The following B3GALT1 variants were observed in gnomAD, a reference collection of about 807,000 sequenced individuals.
The protein encoded by B3GALT1 is beta-1,3-galactosyltransferase 1, also known as UDP-Gal:betaGlcNAc beta 1,3-galactosyltransferase, polypeptide 1.
B3GALT1 carries 10 observed loss-of-function variants against 23.2 expected under a neutral mutation model. The ratio of observed to expected loss-of-function variants is 0.43; its 90% CI spans 0.27 to 0.73. B3GALT1 has a LOEUF of 0.73. B3GALT1 is among the 30% of genes least tolerant of loss of function. The probability of loss-of-function intolerance (pLI) is 0.21; values close to 1 mark genes in which losing one functional copy is unlikely to be tolerated. For synonymous variants in B3GALT1, 156 were observed against 141.5 expected (o/e 1.10, Z -0.73); for missense variants, 299 against 405.4 (o/e 0.74, Z 2.25).
intron 2 of B3GALT1, among the ~76,000 whole-genome samples, chr2:167,595,362 A>G (rs555672631): frequency 7.3e-4 from 111 of 152,282 alleles, no homozygotes; most frequent in African/African-American, 2.6e-3. Flanking sequence ...TCATTAATCC[A>G]TTTTGGTGTC....
intron 1 of B3GALT1, among the ~76,000 whole-genome samples, chr2:167,433,461 C>A (rs1279754870): frequency 1.3e-5 from 2 of 152,104 alleles, no homozygotes; most frequent in African/African-American, 4.8e-5. Flanking sequence ...TCTGCTTCCT[C>A]TTTTTGACAA....
At chr2:167,517,963 C>A (rs963174548) in intron 2 of B3GALT1, among the ~76,000 whole-genome samples, 1 of 152,042 alleles carries the variant, frequency 6.6e-6, no homozygotes, top group Non-Finnish European at 1.5e-5. Context: ...AGTGTAATCT[C>A]ATTTGATCCC....
intron 1 of B3GALT1, among the ~76,000 whole-genome samples, chr2:167,411,397 AAAC>A (rs1318845080): frequency 6.2e-5 from 8 of 129,462 alleles, no homozygotes; most frequent in African/African-American, 2.2e-4. Context: ...AAAAAAAAAA[AAAC>A]CACACAAATA....
chr2:167,702,638 A>G (rs181514652), intron 3 of B3GALT1, among the ~76,000 whole-genome samples: 8 of 152,346 alleles, frequency 5.3e-5, no homozygotes, highest in Admixed American at 4.6e-4. Flanking sequence ...AGAACCCTGG[A>G]AAGTGAATAA....
In B3GALT1 at chr2:167,512,566, A is replaced by G. The variant is rs1214705326; in HGVS notation, c.-410+22289A>G. Among the ~76,000 whole-genome samples, 192 of 92,014 alleles carry G rather than the reference A, an allele frequency of 2.1e-3. 8 individuals are homozygous for G. The highest frequency in any genetic ancestry group is 6.3e-3 in the Middle Eastern group (1 of 160). The allele number at this position is 92,014 out of a possible 152,430, so 60.4% of individuals were successfully genotyped here. On this transcript the variant is annotated intron_variant, in intron 2 of 4. Transcript: ENST00000392690. ...TATATGTATATATATGTATATATAT[A>G]TGTATATATATATGTATATATATAT...
At chr2:167,839,146 C>T (rs1179187288) in intron 4 of B3GALT1, among the ~76,000 whole-genome samples, 1 of 152,182 alleles carries the variant, frequency 6.6e-6, no homozygotes, top group Non-Finnish European at 1.5e-5. Flanking sequence ...CTCACCACTC[C>T]TATTCAACAT....
At chr2:167,755,344 T>G (rs539240509) in intron 3 of B3GALT1, among the ~76,000 whole-genome samples, 1 of 151,958 alleles carries the variant, frequency 6.6e-6, no homozygotes, top group South Asian at 2.1e-4. Context: ...GGCAGAATGT[T>G]GACTAGAACA....
At chr2:167,635,293 A>T (rs570804852) in intron 2 of B3GALT1, among the ~76,000 whole-genome samples, 1 of 152,254 alleles carries the variant, frequency 6.6e-6, no homozygotes, top group South Asian at 2.1e-4. Flanking sequence ...CCGGCACAAG[A>T]CAACGATGCC....
At chr2:167,450,148 T>A (rs1699064729) in intron 1 of B3GALT1, among the ~76,000 whole-genome samples, 2 of 152,188 alleles carry the variant, frequency 1.3e-5, no homozygotes, top group Admixed American at 1.3e-4. Flanking sequence ...TTTTGTGGAA[T>A]AGTGTCAATA....
chr2:167,602,029 T>C (rs1218828427), intron 2 of B3GALT1, among the ~76,000 whole-genome samples: 1 of 152,222 alleles, frequency 6.6e-6, no homozygotes, highest in Non-Finnish European at 1.5e-5. Context: ...GAAGTTTCAA[T>C]CATGGCTGTA....
intron 2 of B3GALT1, among the ~76,000 whole-genome samples, chr2:167,615,586 A>G (rs1385939439): frequency 6.6e-6 from 1 of 152,098 alleles, no homozygotes; most frequent in Non-Finnish European, 1.5e-5. Context: ...GAATTTGTCA[A>G]TTCTATTTAT....
intron 3 of B3GALT1, among the ~76,000 whole-genome samples, chr2:167,753,662 C>T (rs1181900489): frequency 6.6e-6 from 1 of 152,180 alleles, no homozygotes. Flanking sequence ...TGATTCCAGA[C>T]AACCCACTTT....
chr2:167,544,343 G>A (rs1011627295), intron 2 of B3GALT1, among the ~76,000 whole-genome samples: 4 of 152,110 alleles, frequency 2.6e-5, no homozygotes, highest in African/African-American at 2.4e-5. Flanking sequence ...TGCCCAGGCC[G>A]GAGTGCAGTG....
chr2:167,719,799 G>A (rs933340132), intron 3 of B3GALT1, among the ~76,000 whole-genome samples: 1 of 152,124 alleles, frequency 6.6e-6, no homozygotes, highest in African/African-American at 2.4e-5. Context: ...AGGTATGGTG[G>A]CACGTGCCTG....
At chr2:167,758,921 A>G (rs919968588) in intron 3 of B3GALT1, among the ~76,000 whole-genome samples, 1 of 152,120 alleles carries the variant, frequency 6.6e-6, no homozygotes, top group Non-Finnish European at 1.5e-5. Flanking sequence ...CTGTATGGAA[A>G]GAAGCTTTCG....
chr2:167,588,267 T>C (rs1270220604), intron 2 of B3GALT1, among the ~76,000 whole-genome samples: 1 of 152,178 alleles, frequency 6.6e-6, no homozygotes, highest in Non-Finnish European at 1.5e-5. Flanking sequence ...TGATTACCAC[T>C]GATAACATTG....
chr2:167,868,856 G>C lies in B3GALT1; in HGVS notation c.-184G>C, dbSNP rs777239799. 1 of 619,736 alleles carries C rather than the reference G, an allele frequency of 1.6e-6. No individual in the cohort carries two copies. The highest frequency in any genetic ancestry group is 2.7e-6 in the Non-Finnish European group (1 of 373,320). The allele number at this position is 619,736 out of a possible 1,614,324, so 38.4% of individuals were successfully genotyped here. ...AGTCATGGAACCCTCCATCAGATTT[G>C]GAAGAAAGTAGAATGAGCGCAGAGG... On this transcript the variant is annotated 5_prime_UTR_variant, in exon 5 of 5. Coordinates refer to ENST00000392690, the MANE Select transcript of B3GALT1 (RefSeq NM_020981.4).
intron 2 of B3GALT1, among the ~76,000 whole-genome samples, chr2:167,571,881 T>A (rs1007071995): frequency 1.3e-5 from 2 of 151,770 alleles, no homozygotes; most frequent in African/African-American, 2.4e-5. Flanking sequence ...AAATTATAAC[T>A]ATGGAAACAA....
intron 1 of B3GALT1, among the ~76,000 whole-genome samples, chr2:167,294,121 GGAGGCAGAGCGGGGCTCC>G (rs1368019873): frequency 1.3e-5 from 2 of 152,200 alleles, no homozygotes; most frequent in Non-Finnish European, 2.9e-5. Context: ...ACAGCTTGGT[GGAGGCAGAGCGGGGCTCC>G]GACGCCCGAC....
Sources: allele counts gnomAD v4.1 joint callset (sites outside exome capture counted in the v4.1 genomes callset), GRCh38; gene constraint gnomAD v4.1.1; transcripts MANE v1.5; gene names NCBI Gene and HGNC (gene_info 2026-07-23, HGNC 2026-07-21).